Variants in TPT1 observed in about 807,000 individuals in gnomAD.
The protein encoded by TPT1 is tumor protein, translationally-controlled 1.
TPT1 carries 5 observed loss-of-function variants against 22.8 expected under a neutral mutation model. The observed-to-expected ratio is 0.22, with a 90% CI of 0.11 to 0.46. TPT1 has a LOEUF of 0.46. TPT1 is among the 20% of genes least tolerant of loss of function. TPT1 has a pLI of 0.99. For synonymous variants in TPT1, 89 were observed against 73.6 expected, an observed-to-expected ratio of 1.21 and a Z score of -1.07; for missense variants, 130 against 218.7, an observed-to-expected ratio of 0.59 and a Z score of 2.56.
chr13:45,338,898 A>C, intron 4 of TPT1, 122 bp from the exon 5 acceptor site: 2 of 734,306 alleles, frequency 2.7e-6, no homozygotes, highest in Non-Finnish European at 4.4e-6. Flanking sequence ...CAGTACCCAA[A>C]AGCTCTGATG....
Position 45,341,114 on chromosome 13 carries a change from G to T in TPT1, c.-45C>A. On this transcript the variant is annotated 5_prime_UTR_variant, in exon 1 of 6. Coordinates refer to ENST00000530705, the MANE Select transcript of TPT1 (RefSeq NM_003295.4). ...CGACGACGGCGCTAGCTTAGCACGA[G>T]CCTGAAACTCGGAGCGAGCGCGGTG... is the stretch of plus-strand genomic sequence containing the variant. 6.2e-7 allele frequency: 1 copy of T among 1,609,384 alleles called. No homozygotes were observed. The highest frequency in any genetic ancestry group is 8.5e-7 in the Non-Finnish European group (1 of 1,177,876).
At chr13:45,339,426 T>C in intron 4 of TPT1, 71 bp downstream of exon 4, 1 of 1,381,672 alleles carries the variant, frequency 7.2e-7, no homozygotes, top group Non-Finnish European at 1.0e-6. Flanking sequence ...AATTGAAGAT[T>C]AATCAACTTA....
chr13:45,339,647 T>G (rs765999550), intron 3 of TPT1, 45 bp from the exon 4 acceptor site: 1 of 1,503,224 alleles, frequency 6.7e-7, no homozygotes, highest in Non-Finnish European at 9.1e-7. Context: ...GAATTTTCAG[T>G]AAAATCAATT....
At chr13:45,337,622 A>C (rs1194436860) in intron 5 of TPT1, 2 of 1,530,390 alleles carry the variant, frequency 1.3e-6, no homozygotes, top group East Asian at 4.5e-5. Flanking sequence ...CACCCTTACC[A>C]AATCAGCGGT....
chr13:45,338,412 C>A, intron 5 of TPT1: 1 of 633,046 alleles, frequency 1.6e-6, no homozygotes, highest in Non-Finnish European at 2.4e-6. Flanking sequence ...AGCCACCACA[C>A]CCAGCCTAAA....
intron 1 of TPT1, 94 bp from the exon 2 acceptor site, chr13:45,340,879 C>A: frequency 6.8e-7 from 1 of 1,463,880 alleles, no homozygotes. Context: ...ATCTGCCCCT[C>A]CGTAGCACAC....
At chr13:45,340,949 TC>T (rs1879082748) in intron 1 of TPT1, 92 bp downstream of exon 1, 2 of 1,544,404 alleles carry the variant, frequency 1.3e-6, no homozygotes, top group Admixed American at 2.0e-5. Flanking sequence ...ACCGCCGGCG[TC>T]CCCTAGGCCC....
chr13:45,338,071 C>T (rs546206875), intron 5 of TPT1: 12 of 161,374 alleles, frequency 7.4e-5, no homozygotes, highest in Admixed American at 5.5e-4. Context: ...GAAAGTGAGG[C>T]CATATCTAGA....
At chr13:45,339,138 G>C in intron 4 of TPT1, 1 of 296,686 alleles carries the variant, frequency 3.4e-6, no homozygotes, top group South Asian at 7.2e-5. Context: ...TATGGCCAGG[G>C]GATGCATGAA....
chr13:45,336,127 C>T lies in TPT1; in HGVS notation c.*1259G>A, dbSNP rs764883147. ...GTTGAGACCACCCTGGGCAACTAAG[C>T]GATACTCGGTCTCTACAAAAATTAG... On this transcript the variant is annotated 3_prime_UTR_variant, in exon 6 of 6. Transcript: ENST00000530705. 2.6e-5 allele frequency: 4 copies of T among 152,150 alleles called. No individual in the cohort carries two copies. Among genetic ancestry groups the T allele is most frequent in the Admixed American group, 1.3e-4 (2 of 15,268 alleles). The allele number at this position is 152,150 out of a possible 1,614,324, so 9.4% of individuals were successfully genotyped here. A position where few individuals can be genotyped will look rare whatever the true frequency, so the allele number is the denominator to read the frequency against.
chr13:45,340,995 C>G, intron 1 of TPT1, 47 bp downstream of exon 1: 1 of 1,595,492 alleles, frequency 6.3e-7, no homozygotes, highest in Non-Finnish European at 8.5e-7. Flanking sequence ...CCACCCGCAC[C>G]CCAGACCCCC....
intron 2 of TPT1, chr13:45,340,387 G>A: frequency 2.3e-6 from 2 of 855,928 alleles, no homozygotes; most frequent in Non-Finnish European, 3.8e-6. Context: ...ACAAAAAATG[G>A]GGTCATTAAA....
chr13:45,338,752 G>T lies in TPT1; in HGVS notation c.424C>A (p.Pro142Thr). Residue 142 changes from proline to threonine, a missense_variant, in exon 5 of 6, where the codon CCA (proline) becomes ACA (threonine). Transcript: ENST00000530705. ...YQFFIGENMNPDGMVALLDYR... is the reference protein window; with the variant it reads ...YQFFIGENMNTDGMVALLDYR... ...TCCAATAGAGCAACCATGCCATCTG[G>T]ATTCATGTTTTCACCAATAAAGAAC... The T allele has an allele frequency of 1.3e-6, 2 of 1,592,064 alleles. No homozygotes were observed. The highest frequency in any genetic ancestry group is 1.7e-6 in the Non-Finnish European group (2 of 1,174,156).
intron 3 of TPT1, 114 bp from the exon 4 acceptor site, chr13:45,339,716 G>GT (rs1878953449): frequency 2.1e-6 from 2 of 960,030 alleles, no homozygotes; most frequent in African/African-American, 3.3e-5. Context: ...GCAACCAGCT[G>GT]TTAAGAAATT....
At chr13:45,337,637 C>A (rs760860854) in intron 5 of TPT1, 6 of 1,442,994 alleles carry the variant, frequency 4.2e-6, no homozygotes, top group South Asian at 1.1e-5. Flanking sequence ...AGCGGTAGCT[C>A]ATTTTTCAGA....
chr13:45,340,433 G>C (rs1369716428), intron 2 of TPT1: 1 of 741,874 alleles, frequency 1.3e-6, no homozygotes, highest in South Asian at 1.5e-5. Flanking sequence ...GATGCCTCCG[G>C]TTGGTAAGTG....
rs1464180496 is a variant in TPT1, at chr13:45,340,523, G to GCGC, written c.102+186_102+188dup. 6 of 798,756 alleles carry GCGC rather than the reference G, an allele frequency of 7.5e-6. No homozygotes were observed. In the African/African-American group the frequency reaches 8.5e-5, roughly 11 times the overall value. 49.5% of individuals were successfully genotyped at this position (798,756 alleles called of 1,614,324 possible). ...CCGGACAACCCCGGGAGGAGGATGGGCGCCGAGGCGGCGGGCCTATTTCCA... is the reference window on the plus strand; with the variant it reads ...CCGGACAACCCCGGGAGGAGGATGGGCGCCGCCGAGGCGGCGGGCCTATTTCCA... On this transcript the variant is annotated intron_variant, in intron 2 of 5. Transcript: ENST00000530705.
intron 5 of TPT1, chr13:45,337,676 GCTCTACC>G: frequency 1.0e-6 from 1 of 963,762 alleles, no homozygotes; most frequent in Admixed American, 1.9e-5. Context: ...CCCACACCCT[GCTCTACC>G]AACAAAAACC....
intron 4 of TPT1, 174 bp downstream of exon 4, chr13:45,339,323 T>C (rs1322471615): frequency 2.4e-5 from 12 of 500,418 alleles, no homozygotes; most frequent in Non-Finnish European, 4.1e-5. Context: ...CTGAGAAATG[T>C]CATCTGGGAA....
Sources: allele counts gnomAD v4.1 joint callset, GRCh38; gene constraint gnomAD v4.1.1; transcripts MANE v1.5; gene names NCBI Gene and HGNC (gene_info 2026-07-23, HGNC 2026-07-21).